Variants in CYB5R4 observed in about 807,000 individuals in gnomAD.
The protein encoded by CYB5R4 is N-terminal cytochrome b5 and cytochrome b5 oxidoreductase domain-containing protein.
A neutral mutation model predicts 70.2 loss-of-function variants in CYB5R4; 55 were observed. The ratio of observed to expected loss-of-function variants is 0.78; its 90% CI spans 0.63 to 0.98. The LOEUF is 0.98. Among genes scored for constraint, CYB5R4 ranks in the 50% least tolerant of loss-of-function variants. The pLI, the probability that CYB5R4 is intolerant of heterozygous loss-of-function variation, is 0.00. For synonymous variants in CYB5R4, 197 were observed against 199.5 expected (o/e 0.99, Z 0.11); for missense variants, 562 against 612.6 (o/e 0.92, Z 0.87).
In CYB5R4 at chr6:83,912,532, C is replaced by T. The variant is rs137892552; in HGVS notation, c.413-1884C>T. ...AGAGCTGAGTGCTGTTAGATCACAG[C>T]ACCAGCCTTCTAAATGACTCTGACC... On this transcript the variant is annotated intron_variant, in intron 4 of 15. Coordinates refer to ENST00000369681, the MANE Select transcript of CYB5R4 (RefSeq NM_016230.4). Among the ~76,000 whole-genome samples the T allele has an allele frequency of 7.6e-3, 1,154 of 152,262 alleles. 8 individuals are homozygous for T. The highest frequency in any genetic ancestry group is 0.024 in the Middle Eastern group (7 of 294).
In CYB5R4 at chr6:83,964,730, G is replaced by A. The variant is rs1042477586; in HGVS notation, c.*4852G>A. 1.3e-5 allele frequency: 2 copies of A among 152,216 alleles called. No homozygotes were observed. Among genetic ancestry groups the A allele is most frequent in the Admixed American group, 6.5e-5 (1 of 15,284 alleles). 9.4% of individuals were successfully genotyped at this position (152,216 alleles called of 1,614,324 possible). On this transcript the variant is annotated 3_prime_UTR_variant, in exon 16 of 16. Coordinates refer to ENST00000369681, the MANE Select transcript of CYB5R4 (RefSeq NM_016230.4). Reference sequence around the variant, plus strand: ...TCTCCAGGGCATGTCAGAGACATTTGTGGCAGCCTCTTCTATCACAGACCT... The same window carrying A: ...TCTCCAGGGCATGTCAGAGACATTTATGGCAGCCTCTTCTATCACAGACCT...
intron 4 of CYB5R4, among the ~76,000 whole-genome samples, chr6:83,909,776 T>C (rs1054811490): frequency 1.3e-5 from 2 of 152,196 alleles, no homozygotes; most frequent in African/African-American, 2.4e-5. Context: ...TGGGGTTGAT[T>C]TTGCTCTTCA....
intron 3 of CYB5R4, among the ~76,000 whole-genome samples, chr6:83,908,716 A>G (rs1029880796): frequency 1.3e-5 from 2 of 152,210 alleles, no homozygotes; most frequent in Admixed American, 1.3e-4. Context: ...CAAAACTGAA[A>G]AAAAAGTGAG....
chr6:83,865,872 TCA>T (rs1397329456), intron 2 of CYB5R4, among the ~76,000 whole-genome samples: 1 of 152,154 alleles, frequency 6.6e-6, no homozygotes, highest in African/African-American at 2.4e-5. Context: ...CCAAAGTTCC[TCA>T]GAGACCTACA....
chr6:83,873,037 A>G (rs1057150344), intron 2 of CYB5R4, among the ~76,000 whole-genome samples: 4 of 152,146 alleles, frequency 2.6e-5, no homozygotes, highest in Admixed American at 6.6e-5. Context: ...AAGCCTTTAC[A>G]CTTAAACTAT....
intron 2 of CYB5R4, among the ~76,000 whole-genome samples, chr6:83,866,185 T>A (rs2099456699): frequency 6.6e-6 from 1 of 152,220 alleles, no homozygotes; most frequent in African/African-American, 2.4e-5. Context: ...ATGTGAACCC[T>A]TCATATCCTA....
chr6:83,876,001 G>A (rs915540037), intron 2 of CYB5R4, among the ~76,000 whole-genome samples: 8 of 152,062 alleles, frequency 5.3e-5, no homozygotes, highest in Non-Finnish European at 7.4e-5. Flanking sequence ...GCTCTGGTTC[G>A]AACGCCTCTG....
chr6:83,904,671 A>G (rs150170143), intron 3 of CYB5R4, among the ~76,000 whole-genome samples: 2 of 152,326 alleles, frequency 1.3e-5, no homozygotes, highest in East Asian at 3.9e-4. Flanking sequence ...CTCTCTCTTT[A>G]GATCAAATAA....
At chr6:83,912,536 A>G (rs1720081482) in intron 4 of CYB5R4, among the ~76,000 whole-genome samples, 1 of 152,218 alleles carries the variant, frequency 6.6e-6, no homozygotes, top group African/African-American at 2.4e-5. Context: ...TCACAGCACC[A>G]GCCTTCTAAA....
Position 83,859,717 on chromosome 6 carries a change from C to T in CYB5R4, c.-66C>T, listed in dbSNP as rs1054287828. 33 of 1,566,256 alleles carry T rather than the reference C, an allele frequency of 2.1e-5. No individual in the cohort carries two copies. The African/African-American group carries it at 3.4e-4, about 16-fold the overall frequency. ...CTTGGCCTCTGCCCGGCCACAGAGC[C>T]GGAGCTGGAGGTGCTGTCCCGTCTG... On this transcript the variant is annotated 5_prime_UTR_variant, in exon 1 of 16. Coordinates refer to ENST00000369681, the MANE Select transcript of CYB5R4 (RefSeq NM_016230.4).
At chr6:83,918,733 A>G (rs1015127724) in intron 6 of CYB5R4, among the ~76,000 whole-genome samples, 12 of 152,212 alleles carry the variant, frequency 7.9e-5, no homozygotes, top group Admixed American at 4.6e-4. Flanking sequence ...AAATGCCTTC[A>G]GGTGTGTTCT....
chr6:83,955,133 GTTT>G (rs981727517), intron 14 of CYB5R4, among the ~76,000 whole-genome samples, 162 bp from the exon 15 acceptor site: 2 of 151,886 alleles, frequency 1.3e-5, no homozygotes, highest in Admixed American at 1.3e-4. Context: ...TTACCTATAC[GTTT>G]TTGTTAAATC....
At chr6:83,900,489 G>A (rs1047515097) in intron 3 of CYB5R4, among the ~76,000 whole-genome samples, 1 of 152,112 alleles carries the variant, frequency 6.6e-6, no homozygotes, top group African/African-American at 2.4e-5. Context: ...AGGTCCACTT[G>A]GTGCAGAGCT....
intron 3 of CYB5R4, among the ~76,000 whole-genome samples, chr6:83,894,994 A>G (rs1011639604): frequency 2.0e-5 from 3 of 152,166 alleles, no homozygotes; most frequent in Non-Finnish European, 4.4e-5. Context: ...ACTTAGGTGC[A>G]TTTGCTTAAA....
intron 14 of CYB5R4, among the ~76,000 whole-genome samples, chr6:83,948,543 G>T (rs2099471014): frequency 6.6e-6 from 1 of 152,002 alleles, no homozygotes; most frequent in Admixed American, 6.6e-5. Flanking sequence ...GACATAGGTA[G>T]GCTTAAGATT....
rs148857652 is a variant in CYB5R4, at chr6:83,887,949, C to T, written c.230-5573C>T. ...TCCTTATTTACAGTCCAGTTTTACA[C>T]CATGGAGGATTGGTGTTTCATGAAT... On this transcript the variant is annotated intron_variant, in intron 2 of 15. Coordinates refer to ENST00000369681, the MANE Select transcript of CYB5R4 (RefSeq NM_016230.4). Among the ~76,000 whole-genome samples the T allele has an allele frequency of 2.7e-3, 410 of 152,198 alleles. 2 individuals are homozygous for T. Among genetic ancestry groups the T allele is most frequent in the African/African-American group, 9.5e-3 (393 of 41,532 alleles).
intron 1 of CYB5R4, among the ~76,000 whole-genome samples, chr6:83,862,803 G>A (rs1238440886): frequency 6.6e-6 from 1 of 152,162 alleles, no homozygotes; most frequent in Non-Finnish European, 1.5e-5. Flanking sequence ...TTTAGTTTGG[G>A]ATGGGAAAGG....
At chr6:83,949,798 T>C (rs2099471238) in intron 14 of CYB5R4, among the ~76,000 whole-genome samples, 2 of 152,210 alleles carry the variant, frequency 1.3e-5, no homozygotes, top group African/African-American at 4.8e-5. Context: ...CTCTTGGCCT[T>C]GGGCAAATTA....
In CYB5R4 at chr6:83,955,279, C is replaced by A; in HGVS notation, c.1347-19C>A. 6.4e-7 allele frequency: 1 copy of A among 1,567,256 alleles called. No homozygotes were observed. Among genetic ancestry groups the A allele is most frequent in the African/African-American group, 1.4e-5 (1 of 73,008 alleles). Reference sequence around the variant, plus strand: ...GTTTAAAATAATAAACTTTAAAAAGCTGTTTTTCTTTTCCCTAGACTGGAT... The same window carrying A: ...GTTTAAAATAATAAACTTTAAAAAGATGTTTTTCTTTTCCCTAGACTGGAT... On this transcript the variant is annotated intron_variant, in intron 14 of 15. Transcript: ENST00000369681.
Sources: allele counts gnomAD v4.1 joint callset (sites outside exome capture counted in the v4.1 genomes callset), GRCh38; gene constraint gnomAD v4.1.1; transcripts MANE v1.5; gene names NCBI Gene and HGNC (gene_info 2026-07-23, HGNC 2026-07-21).